FAF2: variants seen among roughly 807,000 people sequenced by gnomAD.
FAF2 encodes the protein FAS-associated factor 2.
Under a neutral mutation model 62.3 loss-of-function variants are expected in FAF2, and 9 were observed. That is an observed-to-expected ratio of 0.14 (90% CI 0.09 to 0.25). FAF2 has a LOEUF of 0.25. Ranked by LOEUF, FAF2 falls within the 10% of genes least tolerant of loss-of-function variation. The pLI is 1.00. For missense variants in FAF2, 368 were observed against 556.2 expected (o/e 0.66, Z 3.40); for synonymous variants, 202 against 198.0 (o/e 1.02, Z -0.17).
intron 1 of FAF2, among the ~76,000 whole-genome samples, chr5:176,457,672 G>GTGTA (rs1487742839): frequency 6.6e-6 from 1 of 151,802 alleles, no homozygotes; most frequent in Non-Finnish European, 1.5e-5. Flanking sequence ...GTGTGTGTGT[G>GTGTA]TGTTTAATAC....
intron 1 of FAF2, among the ~76,000 whole-genome samples, chr5:176,469,873 G>A (rs1758528014): frequency 6.6e-6 from 1 of 152,116 alleles, no homozygotes; most frequent in African/African-American, 2.4e-5. Flanking sequence ...AAAATAATGT[G>A]CAAAATTATA....
At chr5:176,497,551 A>G (rs888871034) in intron 8 of FAF2, among the ~76,000 whole-genome samples, 5 of 152,232 alleles carry the variant, frequency 3.3e-5, no homozygotes, top group Non-Finnish European at 7.3e-5. Flanking sequence ...AAATTACTGC[A>G]TAACATTCCA....
chr5:176,508,058 T>C lies in FAF2; in HGVS notation c.*1108T>C, dbSNP rs192237125. 11 of 152,692 alleles carry C rather than the reference T, an allele frequency of 7.2e-5. No homozygotes were observed. The East Asian group carries it at 1.7e-3, about 24-fold the overall frequency. The allele number at this position is 152,692 out of a possible 1,614,324, so 9.5% of individuals were successfully genotyped here. A position where few individuals can be genotyped will look rare whatever the true frequency, so the allele number is the denominator to read the frequency against. On this transcript the variant is annotated 3_prime_UTR_variant, in exon 11 of 11. Transcript: ENST00000261942. ...TGGAAGTGTATTATTGTTTTAAGGA[T>C]AGAACCAGAGGCCTTGAAGGGAGCC...
intron 1 of FAF2, among the ~76,000 whole-genome samples, chr5:176,457,906 C>T (rs1758304457): frequency 6.6e-6 from 1 of 152,188 alleles, no homozygotes; most frequent in Non-Finnish European, 1.5e-5. Context: ...CAAAAAGTCA[C>T]AGTCCTTAGT....
Position 176,465,119 on chromosome 5 carries a change from GA to G in FAF2, c.64-14068del, listed in dbSNP as rs1162876404. On this transcript the variant is annotated intron_variant, in intron 1 of 10. Coordinates refer to ENST00000261942, the MANE Select transcript of FAF2 (RefSeq NM_014613.3). ...TTGGCCAGGCTGGTCTTGAACTTCA[GA>G]CCTCAAGTGATCTGGCCGCTTCAGC... Among the ~76,000 whole-genome samples, 8 of 152,232 alleles carry G rather than the reference GA, an allele frequency of 5.3e-5. No homozygotes were observed. In the South Asian group the frequency reaches 1.4e-3, roughly 28 times the overall value.
In FAF2 at chr5:176,494,935, A is replaced by G. The variant is rs7732877; in HGVS notation, c.661+660A>G. 0.083 allele frequency among the ~76,000 whole-genome samples: 12,631 copies of G among 152,222 alleles called. 871 individuals are homozygous for G. Among genetic ancestry groups the G allele is most frequent in the East Asian group, 0.28 (1,441 of 5,176 alleles). ...AGCATTGCCAAAGCCTGCCACATTC[A>G]TAGAAATACCCAGTCTTGGCTAGCA... On this transcript the variant is annotated intron_variant, in intron 7 of 10. Coordinates refer to ENST00000261942, the MANE Select transcript of FAF2 (RefSeq NM_014613.3). This position sits in a 1 kb window ranked among gnomAD's most constrained non-coding sequence, Gnocchi z 4.0.
chr5:176,496,567 G>A lies in FAF2; in HGVS notation c.743G>A (p.Arg248Gln), dbSNP rs745332596. ...LKDRRMTVVG[R>Q]LEGLIQPDDL... ...GATCGAAGGATGACTGTGGTGGGAC[G>A]GCTAGAAGGCCTCATTCAACCTGAT... is the stretch of plus-strand genomic sequence containing the variant. The change falls in exon 8 of 11, where the codon CGG (arginine) becomes CAG (glutamine). Residue 248 changes from arginine (R) to glutamine (Q), a missense_variant. Transcript: ENST00000261942. 6 of 1,612,922 alleles carry A rather than the reference G, an allele frequency of 3.7e-6. No homozygotes were observed. The highest frequency in any genetic ancestry group is 2.7e-5 in the African/African-American group (2 of 74,828).
chr5:176,451,825 T>A, intron 1 of FAF2, among the ~76,000 whole-genome samples: 1 of 47,756 alleles, frequency 2.1e-5, no homozygotes, highest in East Asian at 5.4e-4. Context: ...CATATATATA[T>A]ATACATATAT....
intron 4 of FAF2, 104 bp downstream of exon 4, chr5:176,489,131 G>A (rs974835302): frequency 1.5e-5 from 11 of 748,584 alleles, no homozygotes; most frequent in Non-Finnish European, 2.2e-5. Context: ...TTACCAATTT[G>A]TCATGAGATG....
At position 176,471,197 on chromosome 5, in the gene FAF2, G is replaced by A. The variant is rs529996032; in HGVS notation, c.64-7991G>A. Among the ~76,000 whole-genome samples the A allele has an allele frequency of 5.9e-5, 9 of 152,004 alleles. No homozygotes were observed. In the East Asian group the frequency reaches 1.7e-3, roughly 29 times the overall value. ...TCTATGCCATCATTCTCTTTTCCCTGGACTTCATCTATATAATCTTGCTGG... is the reference window on the plus strand; with the variant it reads ...TCTATGCCATCATTCTCTTTTCCCTAGACTTCATCTATATAATCTTGCTGG... On this transcript the variant is annotated intron_variant, in intron 1 of 10. Coordinates refer to ENST00000261942, the MANE Select transcript of FAF2 (RefSeq NM_014613.3).
At chr5:176,471,684 C>CTT (rs70991555) in intron 1 of FAF2, among the ~76,000 whole-genome samples, 2 of 122,622 alleles carry the variant, frequency 1.6e-5, no homozygotes, top group African/African-American at 3.1e-5. Flanking sequence ...CGCCCGGCCT[C>CTT]TTTTTTTTTT....
At chr5:176,486,841 C>T (rs768361642) in intron 3 of FAF2, among the ~76,000 whole-genome samples, 1 of 152,128 alleles carries the variant, frequency 6.6e-6, no homozygotes, top group African/African-American at 2.4e-5. Flanking sequence ...TGAAATTAGC[C>T]TTGAAGGGCT....
At chr5:176,501,136 T>A (rs929508519) in intron 10 of FAF2, among the ~76,000 whole-genome samples, 5 of 127,148 alleles carry the variant, frequency 3.9e-5, no homozygotes, top group African/African-American at 1.3e-4. Flanking sequence ...AAAAAATAAA[T>A]AATAATAATA....
chr5:176,467,067 C>G (rs1758480605), intron 1 of FAF2, among the ~76,000 whole-genome samples: 1 of 149,584 alleles, frequency 6.7e-6, no homozygotes, highest in Non-Finnish European at 1.5e-5. Context: ...GATCACGGAG[C>G]AAGGGATTTT....
chr5:176,497,540 A>G lies in FAF2; in HGVS notation c.839+877A>G, dbSNP rs546951154. On this transcript the variant is annotated intron_variant, in intron 8 of 10. Transcript: ENST00000261942. ...TCATTAAATATTCTGCCACATTTTA[A>G]AAATTACTGCATAACATTCCATTAT... Among the ~76,000 whole-genome samples the G allele has an allele frequency of 2.0e-5, 3 of 152,344 alleles. No individual in the cohort carries two copies. The East Asian group carries it at 5.8e-4, about 29-fold the overall frequency.
intron 1 of FAF2, among the ~76,000 whole-genome samples, chr5:176,460,016 G>A (rs1758349660): frequency 6.6e-6 from 1 of 152,128 alleles, no homozygotes; most frequent in South Asian, 2.1e-4. Flanking sequence ...AATTTGCTTA[G>A]GATGACGGCC....
At chr5:176,472,936 T>A (rs1758599999) in intron 1 of FAF2, among the ~76,000 whole-genome samples, 1 of 152,168 alleles carries the variant, frequency 6.6e-6, no homozygotes, top group Non-Finnish European at 1.5e-5. Flanking sequence ...TTTGTTTTAC[T>A]TTTTAAATAA....
At chr5:176,501,656 AG>A (rs1284592704) in intron 10 of FAF2, among the ~76,000 whole-genome samples, 5 of 152,254 alleles carry the variant, frequency 3.3e-5, no homozygotes, top group African/African-American at 1.2e-4. Context: ...ACAGAATTAA[AG>A]TTATGAAACA....
chr5:176,483,703 T>G (rs968588343), intron 2 of FAF2, among the ~76,000 whole-genome samples: 8 of 152,306 alleles, frequency 5.3e-5, no homozygotes, highest in Admixed American at 1.3e-4. Context: ...TCACTAGAAC[T>G]CACTGAAAGT....
Sources: allele counts gnomAD v4.1 joint callset (sites outside exome capture counted in the v4.1 genomes callset), GRCh38; gene constraint gnomAD v4.1.1; non-coding constraint Gnocchi (gnomAD v3.1); transcripts MANE v1.5; gene names NCBI Gene and HGNC (gene_info 2026-07-23, HGNC 2026-07-21).